Variants in TAX1BP1 observed in about 807,000 individuals in gnomAD.
TAX1BP1 encodes the protein tax1-binding protein 1.
In TAX1BP1, 62 loss-of-function variants were observed where a neutral mutation model predicts 97.7. That is an observed-to-expected ratio of 0.63 (90% CI 0.52 to 0.78). TAX1BP1 has a LOEUF of 0.78. TAX1BP1 is among the 30% of genes least tolerant of loss of function. TAX1BP1 has a pLI of 0.00. For missense variants in TAX1BP1, 867 were observed against 916.1 expected, an observed-to-expected ratio of 0.95 and a Z score of 0.69; for synonymous variants, 340 against 304.2, an observed-to-expected ratio of 1.12 and a Z score of -1.23.
At position 27,765,009 on chromosome 7, in the gene TAX1BP1, GTTTTTT is replaced by G. The variant is rs1179797055; in HGVS notation, c.266-806_266-801del. Among the ~76,000 whole-genome samples the G allele has an allele frequency of 4.9e-5, 4 of 81,064 alleles. 1 individual carries two copies. Among genetic ancestry groups the G allele is most frequent in the African/African-American group, 2.3e-4 (4 of 17,354 alleles). 53.2% of individuals were successfully genotyped at this position (81,064 alleles called of 152,430 possible). A position where few individuals can be genotyped will look rare whatever the true frequency, so the allele number is the denominator to read the frequency against. On this transcript the variant is annotated intron_variant, in intron 3 of 16. Transcript: ENST00000396319. ...TATAGATTGTCTGCCTCTCCTCTCT[GTTTTTT>G]TTTTTTTTTTTTTTTTTTGAGGCGG...
intron 3 of TAX1BP1, among the ~76,000 whole-genome samples, chr7:27,759,968 C>T (rs748596256): frequency 7.9e-5 from 12 of 151,796 alleles, no homozygotes; most frequent in Non-Finnish European, 1.6e-4. Context: ...ATTCTTGTGC[C>T]TCAGCCTCCT....
intron 1 of TAX1BP1, among the ~76,000 whole-genome samples, chr7:27,742,797 A>G (rs1242475700): frequency 6.6e-6 from 1 of 152,188 alleles, no homozygotes; most frequent in Non-Finnish European, 1.5e-5. Flanking sequence ...ACCGCTGTTT[A>G]TAGTTCTCAC....
intron 2 of TAX1BP1, among the ~76,000 whole-genome samples, chr7:27,757,213 C>T (rs1398221286): frequency 1.3e-5 from 2 of 152,024 alleles, no homozygotes; most frequent in Admixed American, 6.6e-5. Flanking sequence ...TATCTAGTAC[C>T]TGTTTTAAAC....
intron 13 of TAX1BP1, among the ~76,000 whole-genome samples, chr7:27,806,119 T>A (rs2128321927): frequency 6.6e-6 from 1 of 151,030 alleles, no homozygotes. Flanking sequence ...GGTGTCTTGC[T>A]CTGTTGCCCA....
chr7:27,827,860 G>A (rs1337769427), intron 16 of TAX1BP1, 40 bp downstream of exon 16: 4 of 1,572,308 alleles, frequency 2.5e-6, no homozygotes, highest in East Asian at 2.2e-5. Context: ...GGGTTATATC[G>A]GCCAGTGGTT....
intron 3 of TAX1BP1, among the ~76,000 whole-genome samples, chr7:27,759,357 C>A (rs148446058): frequency 1.3e-5 from 2 of 152,222 alleles, no homozygotes; most frequent in Admixed American, 6.5e-5. Context: ...ATACCTGTAA[C>A]AATTGTAATG....
chr7:27,739,453 T>C (rs538479331), upstream of TAX1BP1: 3 of 152,180 alleles, frequency 2.0e-5, no homozygotes, highest in African/African-American at 7.2e-5. Flanking sequence ...ATGTCCAATA[T>C]AGGAAGGCAA....
rs544257365 is a variant in TAX1BP1, at chr7:27,796,622, G to A, written c.1638+403G>A. Among the ~76,000 whole-genome samples, 7 of 152,298 alleles carry A rather than the reference G, an allele frequency of 4.6e-5. No homozygotes were observed. In the East Asian group the frequency reaches 1.4e-3, roughly 29 times the overall value. ...CACGCCTGTAATCCCAGCACCTTGG[G>A]AGGTCGACGTGGGTGGATCGCTTGA... is the stretch of plus-strand genomic sequence containing the variant. On this transcript the variant is annotated intron_variant, in intron 12 of 16. Transcript: ENST00000396319.
intron 15 of TAX1BP1, among the ~76,000 whole-genome samples, chr7:27,825,876 G>A (rs937812997): frequency 2.5e-4 from 38 of 151,964 alleles, no homozygotes; most frequent in African/African-American, 8.2e-4. Context: ...AATATTTGTC[G>A]TTAAAAATTC....
chr7:27,827,918 C>T, intron 16 of TAX1BP1, 98 bp downstream of exon 16: 1 of 1,008,258 alleles, frequency 9.9e-7, no homozygotes, highest in South Asian at 1.5e-5. Context: ...ATGTGTAGGG[C>T]CTGGCCTAGC....
intron 3 of TAX1BP1, among the ~76,000 whole-genome samples, chr7:27,759,512 A>C (rs1315774947): frequency 2.0e-5 from 3 of 152,028 alleles, no homozygotes; most frequent in Non-Finnish European, 4.4e-5. Flanking sequence ...GATGACCTGA[A>C]TTTTCTGTAT....
chr7:27,796,631 GT>G (rs1789944762), intron 12 of TAX1BP1, among the ~76,000 whole-genome samples: 1 of 152,178 alleles, frequency 6.6e-6, no homozygotes, highest in Admixed American at 6.5e-5. Flanking sequence ...GGAGGTCGAC[GT>G]GGGTGGATCG....
At chr7:27,804,844 G>A (rs1790272463) in intron 13 of TAX1BP1, among the ~76,000 whole-genome samples, 1 of 152,150 alleles carries the variant, frequency 6.6e-6, no homozygotes. Flanking sequence ...CATATATGAA[G>A]CTCATAGAAA....
At chr7:27,769,267 TAGATTCAA>T (rs1194238838) in intron 4 of TAX1BP1, among the ~76,000 whole-genome samples, 2 of 152,004 alleles carry the variant, frequency 1.3e-5, no homozygotes, top group Non-Finnish European at 2.9e-5. Context: ...AAGTTTGTGA[TAGATTCAA>T]AGATTTCCTA....
chr7:27,759,645 A>G (rs1788350767), intron 3 of TAX1BP1, among the ~76,000 whole-genome samples: 2 of 151,986 alleles, frequency 1.3e-5, no homozygotes, highest in South Asian at 4.1e-4. Context: ...GCTGGCTATT[A>G]ATAATTAAGA....
intron 15 of TAX1BP1, among the ~76,000 whole-genome samples, chr7:27,823,686 G>A (rs1384815144): frequency 6.6e-6 from 1 of 152,054 alleles, no homozygotes; most frequent in Non-Finnish European, 1.5e-5. Flanking sequence ...ATATAGTTCT[G>A]TAATGTTAAC....
At chr7:27,768,469 TTAAA>T (rs1177601480) in intron 4 of TAX1BP1, among the ~76,000 whole-genome samples, 2 of 152,016 alleles carry the variant, frequency 1.3e-5, no homozygotes, top group African/African-American at 4.8e-5. Context: ...TATATGTGAA[TTAAA>T]TAAATCACTG....
intron 5 of TAX1BP1, among the ~76,000 whole-genome samples, chr7:27,770,887 G>A (rs1788819290): frequency 2.0e-5 from 3 of 151,820 alleles, no homozygotes; most frequent in Admixed American, 6.6e-5. Context: ...CTTTTCTATC[G>A]TTAGCCTTTT....
In TAX1BP1 at chr7:27,743,115, T is replaced by C. The variant is rs140930712; in HGVS notation, c.-8+2846T>C. Among the ~76,000 whole-genome samples, 475 of 152,296 alleles carry C rather than the reference T, an allele frequency of 3.1e-3. 5 individuals are homozygous for C. Among genetic ancestry groups the C allele is most frequent in the African/African-American group, 0.011 (452 of 41,558 alleles). On this transcript the variant is annotated intron_variant, in intron 1 of 16. Transcript: ENST00000396319. ...TCATAGCATTTTAGAAACCAACTTA[T>C]AAAAATCTAAAAAGTAAATAAAAGT...
Sources: gnomAD v4.1 joint callset for allele counts (sites outside exome capture counted in the v4.1 genomes callset) on GRCh38, gnomAD v4.1.1 for gene constraint, MANE v1.5 for transcripts, NCBI Gene and HGNC (gene_info 2026-07-23, HGNC 2026-07-21) for gene names.